MARCHF1: variants seen among roughly 807,000 people sequenced by gnomAD.
MARCHF1 encodes E3 ubiquitin-protein ligase MARCHF1.
A neutral mutation model predicts 54.2 loss-of-function variants in MARCHF1; 40 were observed. The ratio of observed to expected loss-of-function variants is 0.74; its 90% CI spans 0.57 to 0.96. MARCHF1 has a LOEUF of 0.96. Among genes scored for constraint, MARCHF1 ranks in the 40% least tolerant of loss-of-function variants. MARCHF1 has a pLI of 0.00. For missense variants in MARCHF1, 586 were observed against 656.5 expected (o/e 0.89, Z 1.17); for synonymous variants, 236 against 236.3 (o/e 1.00, Z 0.01).
At chr4:163,656,123 T>TC (rs1743130767) in intron 5 of MARCHF1, among the ~76,000 whole-genome samples, 1 of 148,400 alleles carries the variant, frequency 6.7e-6, no homozygotes, top group Non-Finnish European at 1.5e-5. Context: ...CAGGAGCTGT[T>TC]TTTTTTTTGA....
intron 7 of MARCHF1, 62 bp downstream of exon 7, chr4:163,612,209 C>A: frequency 7.3e-7 from 1 of 1,372,664 alleles, no homozygotes. Flanking sequence ...AAACACGCAC[C>A]TAACTCACTG....
chr4:164,009,574 A>G (rs1184026422), intron 2 of MARCHF1, among the ~76,000 whole-genome samples: 2 of 152,214 alleles, frequency 1.3e-5, no homozygotes, highest in Non-Finnish European at 2.9e-5. Context: ...AATCAACAAC[A>G]TGTTAAAAAA....
chr4:163,790,700 A>G (rs1477504679), intron 4 of MARCHF1, among the ~76,000 whole-genome samples: 1 of 152,146 alleles, frequency 6.6e-6, no homozygotes, highest in African/African-American at 2.4e-5. Flanking sequence ...AACTTAAACT[A>G]AACCAAAAAT....
At chr4:163,985,701 C>T (rs1438586570) in intron 3 of MARCHF1, among the ~76,000 whole-genome samples, 2 of 152,172 alleles carry the variant, frequency 1.3e-5, no homozygotes, top group South Asian at 2.1e-4. Context: ...AGTTAAATTA[C>T]ATTAAATTCA....
chr4:163,751,789 C>T (rs1561057926), intron 4 of MARCHF1, among the ~76,000 whole-genome samples: 1 of 142,612 alleles, frequency 7.0e-6, no homozygotes, highest in Non-Finnish European at 1.5e-5. Context: ...ATAAAATATC[C>T]CAACACACAT....
chr4:164,327,718 C>T, intron 1 of MARCHF1, among the ~76,000 whole-genome samples: 1 of 152,134 alleles, frequency 6.6e-6, no homozygotes, highest in East Asian at 1.9e-4. Flanking sequence ...GAAGGAAAAA[C>T]ATACAACAAT....
In MARCHF1 at chr4:164,247,478, G is replaced by A. The variant is rs1043095955; in HGVS notation, c.-322-135816C>T. Among the ~76,000 whole-genome samples, 3 of 151,644 alleles carry A rather than the reference G, an allele frequency of 2.0e-5. No individual in the cohort carries two copies. In the East Asian group the frequency reaches 5.9e-4, roughly 30 times the overall value. The stretch of plus-strand genomic sequence containing the variant: ...GTTGTGGGGTGCGGGGAGAGGGGAG[G>A]GATAGCATTGGGAGATATACCTAAT... On this transcript the variant is annotated intron_variant, in intron 1 of 9. Transcript: ENST00000514618.
intron 1 of MARCHF1, among the ~76,000 whole-genome samples, chr4:164,176,589 C>T (rs578193806): frequency 3.9e-5 from 6 of 151,970 alleles, no homozygotes; most frequent in Admixed American, 6.6e-5. Context: ...AATCAGAGAA[C>T]CAAATAATTA....
intron 1 of MARCHF1, among the ~76,000 whole-genome samples, chr4:164,298,541 T>C (rs557239260): frequency 8.9e-4 from 136 of 152,246 alleles, no homozygotes; most frequent in Non-Finnish European, 1.7e-3. Flanking sequence ...TTGCATCACA[T>C]AATGTGATGC....
At chr4:163,878,237 A>G (rs1750336141) in intron 3 of MARCHF1, among the ~76,000 whole-genome samples, 1 of 152,178 alleles carries the variant, frequency 6.6e-6, no homozygotes, top group Non-Finnish European at 1.5e-5. Context: ...GCGCAGCCAA[A>G]AAGGGTAGGT....
intron 3 of MARCHF1, among the ~76,000 whole-genome samples, chr4:163,986,270 T>TTTTTTTTTTTTTTTTTTTTC: frequency 1.4e-5 from 1 of 73,748 alleles, no homozygotes; most frequent in Non-Finnish European, 3.0e-5. Context: ...TTTTTTTTTT[T>TTTTTTTTTTTTTTTTTTTTC]TTTTTTTTTT....
intron 4 of MARCHF1, among the ~76,000 whole-genome samples, chr4:163,816,183 G>T (rs2111031140): frequency 6.6e-6 from 1 of 152,328 alleles, no homozygotes; most frequent in South Asian, 2.1e-4. Flanking sequence ...CCAGATGTTT[G>T]TAATTACATT....
chr4:164,033,935 A>G (rs1753936385), intron 2 of MARCHF1, among the ~76,000 whole-genome samples: 1 of 152,126 alleles, frequency 6.6e-6, no homozygotes, highest in South Asian at 2.1e-4. Context: ...TATATACCCA[A>G]AGGAATATAA....
chr4:163,763,322 T>C (rs76184134), intron 4 of MARCHF1, among the ~76,000 whole-genome samples: 3,294 of 152,168 alleles, frequency 0.022, 107 homozygotes, highest in African/African-American at 0.074. Context: ...TTCTCAGAGC[T>C]AGGACAGTCT....
intron 1 of MARCHF1, among the ~76,000 whole-genome samples, chr4:164,144,191 A>G (rs952972944): frequency 9.3e-5 from 14 of 150,314 alleles, no homozygotes; most frequent in African/African-American, 3.0e-4. Context: ...CTGACCTACA[A>G]AGAGACTTAG....
intron 4 of MARCHF1, among the ~76,000 whole-genome samples, chr4:163,733,730 A>G (rs1243325021): frequency 6.6e-6 from 1 of 152,156 alleles, no homozygotes; most frequent in African/African-American, 2.4e-5. Context: ...AAGAAAACAT[A>G]GAAGAAATTT....
chr4:163,795,194 T>A (rs557305151), intron 4 of MARCHF1, among the ~76,000 whole-genome samples: 5 of 152,190 alleles, frequency 3.3e-5, no homozygotes, highest in Non-Finnish European at 5.9e-5. Flanking sequence ...GCTGCACATC[T>A]TTGGTTGGAT....
chr4:164,215,061 G>A (rs1223359177), intron 1 of MARCHF1, among the ~76,000 whole-genome samples: 2 of 152,254 alleles, frequency 1.3e-5, no homozygotes, highest in African/African-American at 2.4e-5. Flanking sequence ...GTCCGTAGTC[G>A]GCTTGTGTTC....
At chr4:163,683,603 C>T (rs910744614) in intron 5 of MARCHF1, among the ~76,000 whole-genome samples, 4 of 152,154 alleles carry the variant, frequency 2.6e-5, no homozygotes, top group African/African-American at 9.7e-5. Context: ...GGTGTATTTA[C>T]ACTGATAGGG....
Sources: allele counts gnomAD v4.1 joint callset (sites outside exome capture counted in the v4.1 genomes callset), GRCh38; gene constraint gnomAD v4.1.1; transcripts MANE v1.5; gene names NCBI Gene and HGNC (gene_info 2026-07-23, HGNC 2026-07-21).